ROBO2: variants seen among roughly 807,000 people sequenced by gnomAD.
The protein encoded by ROBO2 is roundabout guidance receptor 2.
Under a neutral mutation model 160.8 loss-of-function variants are expected in ROBO2, and 53 were observed. The observed-to-expected ratio is 0.33, with a 90% CI of 0.26 to 0.41. The LOEUF is 0.41. Among genes scored for constraint, ROBO2 ranks in the 10% least tolerant of loss-of-function variants. The pLI is 1.00. For missense variants in ROBO2, 1,577 were observed against 1,722.4 expected (o/e 0.92, Z 1.49); for synonymous variants, 664 against 611.7 (o/e 1.09, Z -1.26).
chr3:76,321,385 C>T (rs141955015), intron 2 of ROBO2, among the ~76,000 whole-genome samples: 38 of 152,108 alleles, frequency 2.5e-4, no homozygotes, highest in African/African-American at 6.7e-4. Flanking sequence ...CGTGGTGGCG[C>T]GCCACTGCTC....
chr3:76,638,538 A>G (rs1371451213), intron 2 of ROBO2, among the ~76,000 whole-genome samples: 2 of 152,170 alleles, frequency 1.3e-5, no homozygotes, highest in Non-Finnish European at 2.9e-5. Flanking sequence ...TTTATCTTCA[A>G]CTATCAGCTC....
At chr3:77,468,592 A>G (rs2083025366) in intron 2 of ROBO2, among the ~76,000 whole-genome samples, 1 of 152,346 alleles carries the variant, frequency 6.6e-6, no homozygotes, top group South Asian at 2.1e-4. Flanking sequence ...GGCTAAAAAA[A>G]GGATTCAAGA....
At chr3:77,553,883 G>A (rs1434673824) in intron 8 of ROBO2, among the ~76,000 whole-genome samples, 1 of 103,254 alleles carries the variant, frequency 9.7e-6, no homozygotes, top group Non-Finnish European at 2.1e-5. Context: ...TAATATGGAA[G>A]CTTTATCAAG....
rs138246843 is a variant in ROBO2 at position 76,874,539 on chromosome 3, G to A, written c.110-223475G>A. Among the ~76,000 whole-genome samples the A allele has an allele frequency of 7.0e-3, 1,058 of 152,216 alleles. 3 individuals carry two copies. Among genetic ancestry groups the A allele is most frequent in the Non-Finnish European group, 0.011 (721 of 68,018 alleles). On this transcript the variant is annotated intron_variant, in intron 2 of 26. Transcript: ENST00000487694. Reference sequence around the variant, plus strand: ...AATTCTGATTGTCAAGCTAGCAGAGGGGCCATGGTGCCTGCACTTCCACCG... The same window carrying A: ...AATTCTGATTGTCAAGCTAGCAGAGAGGCCATGGTGCCTGCACTTCCACCG...
intron 2 of ROBO2, among the ~76,000 whole-genome samples, chr3:76,572,983 A>G (rs959795410): frequency 5.3e-5 from 8 of 152,150 alleles, no homozygotes; most frequent in Non-Finnish European, 8.8e-5. Context: ...TTTTTGGGGT[A>G]TCAGCCTCTT....
chr3:76,931,494 C>A (rs1323006643), intron 2 of ROBO2, among the ~76,000 whole-genome samples: 1 of 151,644 alleles, frequency 6.6e-6, no homozygotes, highest in African/African-American at 2.4e-5. Context: ...ATTTAATTAT[C>A]TATTTATGCT....
intron 2 of ROBO2, among the ~76,000 whole-genome samples, chr3:77,013,209 GGAAA>G (rs1391999669): frequency 5.3e-5 from 8 of 151,998 alleles, no homozygotes; most frequent in Non-Finnish European, 1.2e-4. Flanking sequence ...GAAATATTTT[GGAAA>G]GAGAGTAGAA....
intron 2 of ROBO2, among the ~76,000 whole-genome samples, chr3:76,925,228 A>AAAT (rs1553694000): frequency 0.12 from 17,491 of 147,484 alleles, 1,459 homozygotes; most frequent in African/African-American, 0.23. Context: ...AAAAAAAAAA[A>AAAT]AAATCTGGTT....
chr3:77,278,120 T>A (rs1236688812), intron 2 of ROBO2, among the ~76,000 whole-genome samples: 1 of 152,114 alleles, frequency 6.6e-6, no homozygotes, highest in Non-Finnish European at 1.5e-5. Flanking sequence ...AGCCCCCTCC[T>A]CTCTAAAGAG....
intron 2 of ROBO2, among the ~76,000 whole-genome samples, chr3:76,506,509 A>G (rs1341355289): frequency 6.6e-6 from 1 of 152,150 alleles, no homozygotes; most frequent in African/African-American, 2.4e-5. Context: ...CCAGTTATTC[A>G]AGGACTAATT....
intron 9 of ROBO2, 146 bp downstream of exon 10, chr3:77,558,295 A>G: frequency 2.8e-6 from 2 of 712,732 alleles, no homozygotes; most frequent in East Asian, 5.4e-5. Context: ...TATTTTAAAA[A>G]TGATGAAATG....
intron 2 of ROBO2, among the ~76,000 whole-genome samples, chr3:76,531,329 T>A (rs1240602193): frequency 6.6e-6 from 1 of 152,166 alleles, no homozygotes; most frequent in Non-Finnish European, 1.5e-5. Flanking sequence ...TTCACTTCCT[T>A]TAAGAATCTA....
chr3:77,294,166 G>A (rs1386608640), intron 2 of ROBO2, among the ~76,000 whole-genome samples: 1 of 143,610 alleles, frequency 7.0e-6, no homozygotes, highest in Non-Finnish European at 1.5e-5. Flanking sequence ...CGGGTAAGCT[G>A]AGGCTAGATC....
chr3:76,981,430 C>G (rs769143855), intron 2 of ROBO2, among the ~76,000 whole-genome samples: 2 of 152,106 alleles, frequency 1.3e-5, no homozygotes, highest in Non-Finnish European at 2.9e-5. Flanking sequence ...TCCCTGATGG[C>G]TATAACTTTG....
chr3:77,052,980 T>G (rs1478964745), intron 1 of ROBO2, among the ~76,000 whole-genome samples: 1 of 152,212 alleles, frequency 6.6e-6, no homozygotes, highest in Non-Finnish European at 1.5e-5. Context: ...TATTTATATA[T>G]GTATGCCTGT....
At chr3:77,211,457 T>G (rs1249216935) in intron 2 of ROBO2, among the ~76,000 whole-genome samples, 2 of 152,216 alleles carry the variant, frequency 1.3e-5, no homozygotes, top group Admixed American at 6.5e-5. Context: ...GTAAATTTGT[T>G]TGAGTTCATT....
chr3:75,983,558 G>A (rs967150198), intron 2 of ROBO2, among the ~76,000 whole-genome samples: 3 of 151,312 alleles, frequency 2.0e-5, no homozygotes, highest in Non-Finnish European at 4.4e-5. Flanking sequence ...AACATTTGAC[G>A]TTGTGTTCTA....
At chr3:76,787,860 C>A (rs2063093160) in intron 2 of ROBO2, among the ~76,000 whole-genome samples, 1 of 151,388 alleles carries the variant, frequency 6.6e-6, no homozygotes, top group African/African-American at 2.4e-5. Flanking sequence ...TATTTTTACA[C>A]ATCATACGTA....
At chr3:76,194,647 G>A (rs1365712776) in intron 2 of ROBO2, among the ~76,000 whole-genome samples, 4 of 149,690 alleles carry the variant, frequency 2.7e-5, no homozygotes, top group Admixed American at 1.3e-4. Context: ...TTTAGACGGA[G>A]TCTCGCTCTG....
Sources: gnomAD v4.1 joint callset for allele counts (sites outside exome capture counted in the v4.1 genomes callset) on GRCh38, gnomAD v4.1.1 for gene constraint, MANE v1.5 for transcripts, NCBI Gene and HGNC (gene_info 2026-07-23, HGNC 2026-07-21) for gene names.